The following MBD2 variants were observed in gnomAD, a reference collection of about 807,000 sequenced individuals.
MBD2 encodes the protein methyl-CpG binding domain protein 2.
Under a neutral mutation model 39.3 loss-of-function variants are expected in MBD2, and 9 were observed. That is an observed-to-expected ratio of 0.23 (90% CI 0.14 to 0.40). The LOEUF (loss-of-function observed/expected upper bound fraction) is 0.40, where lower values mean the gene tolerates loss of function less well. MBD2 is among the 10% of genes least tolerant of loss of function. MBD2 has a pLI of 1.00. For missense variants in MBD2, 458 were observed against 532.6 expected, an observed-to-expected ratio of 0.86 and a Z score of 1.38; for synonymous variants, 233 against 211.1, an observed-to-expected ratio of 1.10 and a Z score of -0.90.
intron 2 of MBD2, among the ~76,000 whole-genome samples, chr18:54,191,853 C>T (rs2086321885): frequency 6.6e-6 from 1 of 152,160 alleles, no homozygotes; most frequent in Non-Finnish European, 1.5e-5. Flanking sequence ...AAAAGATATG[C>T]TCATCTCAAA....
chr18:54,186,232 T>A (rs1230393879), intron 3 of MBD2, among the ~76,000 whole-genome samples: 1 of 152,098 alleles, frequency 6.6e-6, no homozygotes, highest in Non-Finnish European at 1.5e-5. Context: ...ATACAAAGAA[T>A]AAAAACATTT....
At chr18:54,180,891 TTTTTTC>T (rs1445249500) in intron 3 of MBD2, among the ~76,000 whole-genome samples, 2,050 of 114,312 alleles carry the variant, frequency 0.018, 77 homozygotes, top group East Asian at 0.022. Context: ...TATTCCTTAA[TTTTTTC>T]TTTTTCTTTT....
intron 5 of MBD2, among the ~76,000 whole-genome samples, chr18:54,160,855 G>A (rs776087184): frequency 1.1e-4 from 16 of 151,940 alleles, no homozygotes; most frequent in Non-Finnish European, 1.2e-4. Context: ...CAATGGCAGA[G>A]GAGGGAGGGT....
At chr18:54,201,255 G>C (rs1245267616) in intron 2 of MBD2, among the ~76,000 whole-genome samples, 1 of 152,060 alleles carries the variant, frequency 6.6e-6, no homozygotes, top group African/African-American at 2.4e-5. Flanking sequence ...AATATAAACT[G>C]TGCTGATGAC....
intron 1 of MBD2, among the ~76,000 whole-genome samples, chr18:54,206,992 T>C (rs561806906): frequency 1.3e-5 from 2 of 152,192 alleles, no homozygotes; most frequent in African/African-American, 4.8e-5. Flanking sequence ...GTCCACTTAG[T>C]GCTTTATTCT....
At chr18:54,156,288 A>C (rs2143906511) in intron 6 of MBD2, among the ~76,000 whole-genome samples, 1 of 152,342 alleles carries the variant, frequency 6.6e-6, no homozygotes, top group Admixed American at 6.5e-5. Flanking sequence ...TAATGGCTTG[A>C]TCTAATAATG....
chr18:54,189,518 G>A (rs2086306168), intron 2 of MBD2, among the ~76,000 whole-genome samples: 2 of 152,116 alleles, frequency 1.3e-5, no homozygotes, highest in Admixed American at 6.5e-5. Context: ...CACCGCGCCC[G>A]GCCAGCTTTT....
intron 1 of MBD2, among the ~76,000 whole-genome samples, chr18:54,221,908 A>G (rs2086616713): frequency 6.6e-6 from 1 of 152,278 alleles, no homozygotes; most frequent in Non-Finnish European, 1.5e-5. Context: ...ACCAACAAAC[A>G]AAAAGCTCTG....
chr18:54,170,175 A>G (rs2086169952), intron 3 of MBD2, among the ~76,000 whole-genome samples: 1 of 152,336 alleles, frequency 6.6e-6, no homozygotes, highest in South Asian at 2.1e-4. Context: ...AAGGACATCA[A>G]CGGAAGCATA....
intron 6 of MBD2, among the ~76,000 whole-genome samples, chr18:54,157,373 G>A (rs1234004901): frequency 6.6e-6 from 1 of 151,704 alleles, no homozygotes; most frequent in Non-Finnish European, 1.5e-5. Flanking sequence ...CGATTCTCCT[G>A]CCTCAGCCTC....
chr18:54,183,430 G>C (rs963624986), intron 3 of MBD2, among the ~76,000 whole-genome samples: 1 of 152,048 alleles, frequency 6.6e-6, no homozygotes, highest in Non-Finnish European at 1.5e-5. Context: ...GATAGAGAAA[G>C]AACCTAAGAA....
At chr18:54,167,058 A>ATC (rs916130029) in intron 3 of MBD2, among the ~76,000 whole-genome samples, 9 of 150,762 alleles carry the variant, frequency 6.0e-5, no homozygotes, top group Non-Finnish European at 7.4e-5. Flanking sequence ...CTCATGCCTC[A>ATC]TCTCTTTTCT....
intron 1 of MBD2, among the ~76,000 whole-genome samples, chr18:54,222,676 C>A (rs2086625770): frequency 6.6e-6 from 1 of 152,104 alleles, no homozygotes; most frequent in Non-Finnish European, 1.5e-5. Flanking sequence ...GATGAGGGTC[C>A]AGATCAAGTG....
intron 3 of MBD2, among the ~76,000 whole-genome samples, chr18:54,181,686 G>A (rs2086252903): frequency 6.6e-6 from 1 of 151,930 alleles, no homozygotes. Flanking sequence ...ATTTTTAGTA[G>A]AGACAGGGTT....
intron 3 of MBD2, among the ~76,000 whole-genome samples, chr18:54,188,263 T>A (rs2086297569): frequency 6.6e-6 from 1 of 152,196 alleles, no homozygotes; most frequent in Non-Finnish European, 1.5e-5. Flanking sequence ...CCCCGGGCTA[T>A]ATGGCATTAA....
intron 3 of MBD2, among the ~76,000 whole-genome samples, chr18:54,172,848 T>G (rs147026899): frequency 1.7e-3 from 265 of 152,334 alleles, no homozygotes; most frequent in Non-Finnish European, 3.4e-3. Flanking sequence ...GGTTTCATAC[T>G]ATATCGAATG....
chr18:54,195,205 C>T (rs982954974), intron 2 of MBD2, among the ~76,000 whole-genome samples: 12 of 151,994 alleles, frequency 7.9e-5, no homozygotes, highest in African/African-American at 2.2e-4. Flanking sequence ...CAGGGACTTA[C>T]GCTATACTAT....
intron 3 of MBD2, 96 bp downstream of exon 3, chr18:54,188,778 A>C: frequency 7.7e-7 from 1 of 1,298,822 alleles, no homozygotes; most frequent in East Asian, 2.3e-5. Context: ...CTTTCCAAAT[A>C]TACTCCATTT....
chr18:54,169,166 T>G (rs2086160560), intron 3 of MBD2, among the ~76,000 whole-genome samples: 1 of 152,176 alleles, frequency 6.6e-6, no homozygotes, highest in Non-Finnish European at 1.5e-5. Flanking sequence ...GACTGTACTT[T>G]CTGGTTTTTA....
Sources: allele counts gnomAD v4.1 joint callset (sites outside exome capture counted in the v4.1 genomes callset), GRCh38; gene constraint gnomAD v4.1.1; transcripts MANE v1.5; gene names NCBI Gene and HGNC (gene_info 2026-07-23, HGNC 2026-07-21).